Variants in SUGCT observed in about 807,000 individuals in gnomAD.
The protein encoded by SUGCT is succinyl-CoA:glutarate CoA-transferase.
A neutral mutation model predicts 55.0 loss-of-function variants in SUGCT; 41 were observed. The ratio of observed to expected loss-of-function variants is 0.74; its 90% confidence interval spans 0.58 to 0.97. SUGCT has a LOEUF of 0.97. SUGCT is among the 50% of genes least tolerant of loss of function. The pLI is 0.00. For missense variants in SUGCT, 568 were observed against 547.8 expected (o/e 1.04, Z -0.37); for synonymous variants, 187 against 200.4 (o/e 0.93, Z 0.56).
chr7:40,611,501 G>A (rs1442972400), intron 12 of SUGCT, among the ~76,000 whole-genome samples: 2 of 152,098 alleles, frequency 1.3e-5, no homozygotes, highest in Non-Finnish European at 2.9e-5. Context: ...ATCTTCATGT[G>A]GAGTGTTGCT....
At chr7:40,873,949 T>C in the SUGCT span, among the ~76,000 whole-genome samples, 1 of 152,234 alleles carries the variant, frequency 6.6e-6, no homozygotes, top group African/African-American at 2.4e-5. Flanking sequence ...AGCCTTCATC[T>C]TCAAAGGAAA....
At chr7:40,563,752 A>G (rs1795975709) in intron 12 of SUGCT, among the ~76,000 whole-genome samples, 1 of 151,586 alleles carries the variant, frequency 6.6e-6, no homozygotes, top group South Asian at 2.1e-4. Flanking sequence ...TAATAATAAT[A>G]AAAGGGGGGG....
intron 12 of SUGCT, among the ~76,000 whole-genome samples, chr7:40,551,836 G>C (rs185398104): frequency 9.5e-4 from 145 of 152,322 alleles, no homozygotes; most frequent in Admixed American, 2.2e-3. Context: ...CAAGGGTGCT[G>C]AGTCAGCCAG....
the SUGCT span, among the ~76,000 whole-genome samples, chr7:40,972,373 A>G: frequency 1.3e-5 from 2 of 152,328 alleles, no homozygotes; most frequent in African/African-American, 4.8e-5. Flanking sequence ...CTACCATTTC[A>G]TGGATGCTGG....
chr7:40,331,162 G>T (rs983571517), intron 9 of SUGCT, among the ~76,000 whole-genome samples: 7 of 152,130 alleles, frequency 4.6e-5, no homozygotes, highest in African/African-American at 1.4e-4. Flanking sequence ...ATGCGGCTTG[G>T]GGGCTGCGGG....
chr7:40,870,215 A>T, the SUGCT span, among the ~76,000 whole-genome samples: 1 of 152,198 alleles, frequency 6.6e-6, no homozygotes. Context: ...ACTGAAAGAA[A>T]AGTGTTACAT....
chr7:40,319,609 GA>G (rs1168492754), intron 9 of SUGCT, among the ~76,000 whole-genome samples: 2 of 152,134 alleles, frequency 1.3e-5, no homozygotes, highest in African/African-American at 4.8e-5. Context: ...GTAAATTTCA[GA>G]AAAGTAGTGA....
intron 13 of SUGCT, among the ~76,000 whole-genome samples, chr7:40,831,018 C>T (rs10247138): frequency 0.068 from 10,294 of 152,130 alleles, 1,159 homozygotes; most frequent in African/African-American, 0.24. Context: ...GAAGTAATGT[C>T]GTCTCAATTT....
chr7:41,029,171 C>G, the SUGCT span, among the ~76,000 whole-genome samples: 2 of 152,138 alleles, frequency 1.3e-5, no homozygotes, highest in African/African-American at 2.4e-5. Flanking sequence ...GTGCGATGAC[C>G]TGAAAACTCA....
intron 12 of SUGCT, among the ~76,000 whole-genome samples, chr7:40,497,716 G>A (rs1378996195): frequency 2.0e-5 from 3 of 152,072 alleles, no homozygotes; most frequent in Admixed American, 6.5e-5. Context: ...TGAGGTGTAC[G>A]TAGAACTTCA....
At chr7:40,246,854 C>T (rs1027908305) in intron 7 of SUGCT, among the ~76,000 whole-genome samples, 1 of 152,062 alleles carries the variant, frequency 6.6e-6, no homozygotes, top group Admixed American at 6.6e-5. Flanking sequence ...CCACCTCAGC[C>T]TCCCAAAGTG....
chr7:40,854,419 C>CTTTCCTTTCTTTCTTT (rs200586474), intron 13 of SUGCT, among the ~76,000 whole-genome samples: 69 of 88,828 alleles, frequency 7.8e-4, no homozygotes, highest in Non-Finnish European at 9.0e-4. Flanking sequence ...TTCTTTCTTT[C>CTTTCCTTTCTTTCTTT]CTTTCTTTCT....
the SUGCT span, among the ~76,000 whole-genome samples, chr7:40,879,505 A>G: frequency 1.8e-4 from 28 of 152,208 alleles, no homozygotes; most frequent in Non-Finnish European, 3.4e-4. Context: ...ACATTCTGTC[A>G]TACACAAAGA....
chr7:40,896,912 A>G, the SUGCT span, among the ~76,000 whole-genome samples: 3 of 152,202 alleles, frequency 2.0e-5, no homozygotes, highest in African/African-American at 7.2e-5. Context: ...GCAATCTCGA[A>G]CAAAAAGAAC....
chr7:40,498,565 G>C (rs1583836597), intron 12 of SUGCT, among the ~76,000 whole-genome samples: 1 of 152,172 alleles, frequency 6.6e-6, no homozygotes, highest in Admixed American at 6.5e-5. Flanking sequence ...AACCCTTGGT[G>C]ATCTGAGGGA....
intron 9 of SUGCT, among the ~76,000 whole-genome samples, chr7:40,353,750 A>C (rs1797753498): frequency 6.6e-6 from 1 of 152,200 alleles, no homozygotes; most frequent in Non-Finnish European, 1.5e-5. Context: ...AAAATATGAC[A>C]AGTATCATCA....
chr7:40,388,691 C>T (rs997580899), intron 9 of SUGCT, among the ~76,000 whole-genome samples: 8 of 152,186 alleles, frequency 5.3e-5, no homozygotes, highest in African/African-American at 1.7e-4. Flanking sequence ...GCCAGGATTA[C>T]AGGCATGAGC....
At chr7:40,777,452 G>A (rs1490344533) in intron 13 of SUGCT, among the ~76,000 whole-genome samples, 2 of 147,700 alleles carry the variant, frequency 1.4e-5, no homozygotes, top group African/African-American at 5.0e-5. Context: ...TCCATGGTGG[G>A]TTTTTTTTTT....
At chr7:40,383,797 C>T (rs769154197) in intron 9 of SUGCT, among the ~76,000 whole-genome samples, 5 of 152,280 alleles carry the variant, frequency 3.3e-5, no homozygotes, top group African/African-American at 4.8e-5. Context: ...GCAAGAAGTT[C>T]GTCAGGGCAT....
Sources: allele counts gnomAD v4.1 joint callset (sites outside exome capture counted in the v4.1 genomes callset), GRCh38; gene constraint gnomAD v4.1.1; transcripts MANE v1.5; gene names NCBI Gene and HGNC (gene_info 2026-07-23, HGNC 2026-07-21).